Variants in NF1 observed in about 807,000 individuals in gnomAD.
The protein encoded by NF1 is neurofibromin.
NF1 carries 122 observed loss-of-function variants against 325.7 expected under a neutral mutation model. The observed-to-expected ratio is 0.37, with a 90% CI of 0.32 to 0.44. The LOEUF is 0.44. Ranked by LOEUF, NF1 falls within the 20% of genes least tolerant of loss-of-function variation. The pLI is 1.00. For synonymous variants in NF1, 1,091 were observed against 1,186.0 expected, an observed-to-expected ratio of 0.92 and a Z score of 1.65; for missense variants, 2,140 against 3,415.4, an observed-to-expected ratio of 0.63 and a Z score of 9.31.
chr17:31,253,143 A>G (rs1363606065), intron 31 of NF1, 143 bp downstream of exon 31: 1 of 671,478 alleles, frequency 1.5e-6, no homozygotes, highest in Admixed American at 2.3e-5. Context: ...AATAGCTTTC[A>G]TTTCAATTAA....
At chr17:31,343,930 T>A (rs2069898609) in intron 48 of NF1, among the ~76,000 whole-genome samples, 3 of 150,070 alleles carry the variant, frequency 2.0e-5, no homozygotes, top group Non-Finnish European at 4.4e-5. Flanking sequence ...CACTCCAGCC[T>A]GGGTGACAGA....
intron 29 of NF1, among the ~76,000 whole-genome samples, chr17:31,242,305 C>CTTTTTTTTTTTTTTT (rs200376987): frequency 1.5e-5 from 1 of 68,850 alleles, no homozygotes; most frequent in African/African-American, 6.3e-5. Flanking sequence ...CATAAGTTCT[C>CTTTTTTTTTTTTTTT]TTTTTTTTTT....
chr17:31,125,247 G>A (rs889443632), intron 1 of NF1, among the ~76,000 whole-genome samples: 9 of 151,814 alleles, frequency 5.9e-5, no homozygotes, highest in African/African-American at 1.5e-4. Context: ...TCTTTTGAGC[G>A]TTAATCTATG....
At chr17:31,208,941 C>T (rs953676781) in intron 12 of NF1, among the ~76,000 whole-genome samples, 2 of 151,996 alleles carry the variant, frequency 1.3e-5, no homozygotes, top group African/African-American at 4.8e-5. Flanking sequence ...TGGAGTCTGG[C>T]AACACAGGCA....
rs2067519646 is a variant in NF1 at position 31,252,867 on chromosome 17, A to G, written c.4111-71A>G. On this transcript the variant is annotated intron_variant, in intron 30 of 57. Coordinates refer to ENST00000358273, the MANE Select transcript of NF1 (RefSeq NM_001042492.3). ...CATTTTATGGTGTAATTTTATGTAC[A>G]AGCCAACATTGTTTTTGTTGCTGTA... The G allele has an allele frequency of 5.6e-6, 7 of 1,241,078 alleles. No homozygotes were observed. The East Asian group carries it at 1.6e-4, about 29-fold the overall frequency. The allele number at this position is 1,241,078 out of a possible 1,614,324, so 76.9% of individuals were successfully genotyped here. A position where few individuals can be genotyped will look rare whatever the true frequency, so the allele number is the denominator to read the frequency against.
intron 11 of NF1, among the ~76,000 whole-genome samples, chr17:31,204,678 A>G (rs1261139624): frequency 1.3e-5 from 2 of 152,090 alleles, no homozygotes; most frequent in African/African-American, 2.4e-5. Context: ...TTCAAAAGCT[A>G]TTAAAAAAAG....
chr17:31,137,350 G>GAGGC (rs1346783453), intron 1 of NF1: 1 of 152,182 alleles, frequency 6.6e-6, no homozygotes, highest in East Asian at 1.9e-4. Context: ...GTAGTGTACT[G>GAGGC]TGATTAAGTT....
intron 8 of NF1, among the ~76,000 whole-genome samples, chr17:31,191,217 G>C (rs1368822586): frequency 6.6e-6 from 1 of 152,104 alleles, no homozygotes; most frequent in Admixed American, 6.5e-5. Context: ...TTAATCCATA[G>C]ATACAAATGT....
At chr17:31,318,980 G>T in intron 36 of NF1, 2 of 1,611,988 alleles carry the variant, frequency 1.2e-6, no homozygotes, top group African/African-American at 2.7e-5. Context: ...GCAAGATGTA[G>T]GTAATGTCCT....
intron 36 of NF1, among the ~76,000 whole-genome samples, chr17:31,308,792 T>C (rs1457023080): frequency 6.6e-6 from 1 of 152,188 alleles, no homozygotes; most frequent in African/African-American, 2.4e-5. Flanking sequence ...TTTACTGAAT[T>C]CCCCCTAGCT....
In NF1 at chr17:31,327,754, C is replaced by T; in HGVS notation, c.5524C>T (p.His1842Tyr). The part of the protein sequence containing the change: ...ELSQPDSIPQ[H>Y]TKIRPKDVPG... ...GTCACAGCCCGACTCTATCCCCCAA[C>T]ACACCAAGATTCGGCCAAAAGATGT... Residue 1842 changes from histidine (H) to tyrosine (Y), a missense_variant, in exon 38 of 58, where the codon CAC becomes TAC. By Grantham distance (83) the His-to-Tyr change is moderately conservative (BLOSUM62 2). This residue lies in a region of NF1 where 147 missense variants were observed against 186.7 expected (regional missense o/e 0.79). Coordinates refer to ENST00000358273, the MANE Select transcript of NF1 (RefSeq NM_001042492.3). 6.2e-7 allele frequency: 1 copy of T among 1,614,132 alleles called. No individual in the cohort carries two copies. Among genetic ancestry groups the T allele is most frequent in the Non-Finnish European group, 8.5e-7 (1 of 1,179,974 alleles).
chr17:31,239,604 C>T (rs999126253), intron 29 of NF1, among the ~76,000 whole-genome samples: 4 of 151,872 alleles, frequency 2.6e-5, no homozygotes, highest in Non-Finnish European at 4.4e-5. Context: ...AATAATGAAA[C>T]GCAAAGCTAG....
chr17:31,118,439 CT>C (rs1032606868), intron 1 of NF1, among the ~76,000 whole-genome samples: 10 of 152,154 alleles, frequency 6.6e-5, no homozygotes, highest in Non-Finnish European at 1.3e-4. Flanking sequence ...TATCCCTCCC[CT>C]AAACCCCCAC....
At chr17:31,238,273 G>A (rs915193865) in intron 29 of NF1, among the ~76,000 whole-genome samples, 6 of 152,108 alleles carry the variant, frequency 3.9e-5, no homozygotes, top group African/African-American at 1.4e-4. Flanking sequence ...TTATGCTTTG[G>A]GCAGGGGAAG....
intron 23 of NF1, 101 bp downstream of exon 23, chr17:31,230,483 A>G (rs1325629161): frequency 5.0e-6 from 7 of 1,408,548 alleles, no homozygotes; most frequent in African/African-American, 2.8e-5. Flanking sequence ...AAAGGAGGAC[A>G]TGAAAAGAGA....
intron 8 of NF1, among the ~76,000 whole-genome samples, chr17:31,192,813 C>T (rs755864432): frequency 4.7e-4 from 72 of 152,086 alleles, no homozygotes; most frequent in Admixed American, 9.2e-4. Flanking sequence ...AAGTAAGTCA[C>T]GATATATAGC....
At chr17:31,299,780 C>T (rs1597794922) in intron 36 of NF1, among the ~76,000 whole-genome samples, 1 of 152,084 alleles carries the variant, frequency 6.6e-6, no homozygotes, top group Non-Finnish European at 1.5e-5. Flanking sequence ...GAATCAGTTT[C>T]TTTGCCCACC....
Position 31,377,246 on chromosome 17 carries a change from A to C in NF1, c.*3091A>C, listed in dbSNP as rs570154156. On this transcript the variant is annotated 3_prime_UTR_variant, in exon 58 of 58. Transcript: ENST00000358273. Reference sequence around the variant, plus strand: ...ATTTGACAAAAAAAGTATATTTACTATACTGTAAATATATGTGATGATATA... The same window carrying C: ...ATTTGACAAAAAAAGTATATTTACTCTACTGTAAATATATGTGATGATATA... 3.4e-4 allele frequency: 79 copies of C among 233,470 alleles called. No individual in the cohort carries two copies. Among genetic ancestry groups the C allele is most frequent in the African/African-American group, 1.7e-3 (75 of 45,420 alleles). 14.5% of individuals were successfully genotyped at this position (233,470 alleles called of 1,614,324 possible).
chr17:31,264,476 T>G (rs2067751384), intron 35 of NF1, among the ~76,000 whole-genome samples: 1 of 151,652 alleles, frequency 6.6e-6, no homozygotes, highest in Admixed American at 6.6e-5. Flanking sequence ...TAGCATACAG[T>G]CAGTATAGAC....
Sources: gnomAD v4.1 joint callset for allele counts (sites outside exome capture counted in the v4.1 genomes callset) on GRCh38, gnomAD v4.1.1 for gene constraint, gnomAD v4.1.1 regional missense constraint, MANE v1.5 for transcripts, NCBI Gene and HGNC (gene_info 2026-07-23, HGNC 2026-07-21) for gene names.